MYO16: variants seen among roughly 807,000 people sequenced by gnomAD.
MYO16 encodes the protein myosin XVI, also known as unconventional myosin-XVI.
A neutral mutation model predicts 205.3 loss-of-function variants in MYO16; 94 were observed. The observed-to-expected ratio is 0.46, with a 90% CI of 0.39 to 0.54. MYO16 has a LOEUF of 0.54. Ranked by LOEUF, MYO16 falls within the 20% of genes least tolerant of loss-of-function variation. The pLI is 0.00. For synonymous variants in MYO16, 988 were observed against 954.0 expected (o/e 1.04, Z -0.66); for missense variants, 2,315 against 2,387.5 (o/e 0.97, Z 0.63).
chr13:108,665,346 A>C (rs1881678120), intron 1 of MYO16, among the ~76,000 whole-genome samples: 3 of 152,088 alleles, frequency 2.0e-5, no homozygotes, highest in African/African-American at 7.2e-5. Flanking sequence ...TCCTGGCTTC[A>C]AGTGATCCTC....
chr13:109,026,401 AG>A (rs1886363025), intron 23 of MYO16, among the ~76,000 whole-genome samples: 1 of 152,114 alleles, frequency 6.6e-6, no homozygotes, highest in African/African-American at 2.4e-5. Flanking sequence ...CCAGGAGCCA[AG>A]GAACACCTGG....
chr13:109,011,698 A>ACC (rs1885605993), intron 22 of MYO16, among the ~76,000 whole-genome samples: 1 of 151,848 alleles, frequency 6.6e-6, no homozygotes, highest in Non-Finnish European at 1.5e-5. Context: ...TAGTTTTAGT[A>ACC]GAGACAGGGT....
chr13:108,626,916 T>C (rs1473693684), upstream of MYO16, among the ~76,000 whole-genome samples: 3 of 146,660 alleles, frequency 2.0e-5, no homozygotes, highest in Non-Finnish European at 4.5e-5. Flanking sequence ...ATATATATTA[T>C]ATATAGCTAT....
intron 4 of MYO16, among the ~76,000 whole-genome samples, chr13:108,780,344 T>C (rs1222202876): frequency 7.8e-6 from 1 of 128,504 alleles, no homozygotes; most frequent in Non-Finnish European, 1.6e-5. Flanking sequence ...GTCATAAAAT[T>C]ACTGACGTCT....
intron 7 of MYO16, among the ~76,000 whole-genome samples, chr13:108,811,914 T>C (rs1887306221): frequency 6.6e-6 from 1 of 152,184 alleles, no homozygotes; most frequent in Non-Finnish European, 1.5e-5. Context: ...GTCAACACAG[T>C]ATCCTTTCCA....
At chr13:108,683,598 T>G (rs1324014214) in intron 2 of MYO16, among the ~76,000 whole-genome samples, 1 of 152,244 alleles carries the variant, frequency 6.6e-6, no homozygotes, top group Non-Finnish European at 1.5e-5. Context: ...AAGCCATTTT[T>G]GAATACCCTG....
chr13:108,823,017 T>C (rs75276328), intron 8 of MYO16, 108 bp from the exon 9 acceptor site: 36,761 of 1,068,720 alleles, frequency 0.034, 756 homozygotes, highest in Non-Finnish European at 0.042. Flanking sequence ...GATTCATACA[T>C]TGATAAATTT....
intron 4 of MYO16, among the ~76,000 whole-genome samples, chr13:108,757,005 A>G (rs1885442591): frequency 6.6e-6 from 1 of 152,234 alleles, no homozygotes; most frequent in Non-Finnish European, 1.5e-5. Flanking sequence ...TTAAATCACA[A>G]TGAAGATGTT....
rs1886112960 is a variant in MYO16, at chr13:108,776,008, A to G, written c.508-9627A>G. 2.0e-5 allele frequency among the ~76,000 whole-genome samples: 3 copies of G among 152,268 alleles called. No homozygotes were observed. In the South Asian group the frequency reaches 6.2e-4, roughly 32 times the overall value. On this transcript the variant is annotated intron_variant, in intron 4 of 34. Transcript: ENST00000457511. ...GGCGGGTTTTGCCTATACAACTTCC[A>G]TGAATTGTTATAACCTGAGAAACAG...
At chr13:109,108,920 C>T (rs1594092891) in intron 28 of MYO16, among the ~76,000 whole-genome samples, 1 of 152,144 alleles carries the variant, frequency 6.6e-6, no homozygotes, top group East Asian at 1.9e-4. Flanking sequence ...GGGGACAGAA[C>T]CAGATGAGAA....
At chr13:109,085,239 G>A (rs555737274) in intron 27 of MYO16, among the ~76,000 whole-genome samples, 11 of 152,270 alleles carry the variant, frequency 7.2e-5, no homozygotes, top group East Asian at 3.9e-4. Flanking sequence ...GCAAGACCAC[G>A]CAACAAATTA....
chr13:108,995,660 A>G (rs372557604), intron 21 of MYO16, among the ~76,000 whole-genome samples: 5 of 151,882 alleles, frequency 3.3e-5, no homozygotes, highest in East Asian at 1.9e-4. Context: ...TCATTGTTCA[A>G]TTCCCACCTA....
chr13:109,054,937 T>A (rs1049093526), intron 25 of MYO16, 109 bp from the exon 26 acceptor site: 1 of 589,610 alleles, frequency 1.7e-6, no homozygotes, highest in African/African-American at 2.0e-5. Context: ...TTCTCTTTTT[T>A]CCTTTCTCCC....
At chr13:108,694,592 G>T (rs2139503316) in intron 2 of MYO16, among the ~76,000 whole-genome samples, 1 of 151,990 alleles carries the variant, frequency 6.6e-6, no homozygotes, top group South Asian at 2.1e-4. Flanking sequence ...AGAGTTCTTG[G>T]TATACACATT....
the MYO16 span, among the ~76,000 whole-genome samples, chr13:108,521,534 A>G: frequency 2.6e-5 from 4 of 152,198 alleles, no homozygotes; most frequent in African/African-American, 7.2e-5. Flanking sequence ...TTTGATCTCA[A>G]ACATAATTGC....
the MYO16 span, among the ~76,000 whole-genome samples, chr13:108,572,787 C>A: frequency 6.6e-6 from 1 of 152,056 alleles, no homozygotes; most frequent in Non-Finnish European, 1.5e-5. Context: ...TTTGAAAATA[C>A]CGTTAAATTA....
chr13:108,694,539 G>A (rs1012115165), intron 2 of MYO16, among the ~76,000 whole-genome samples: 1 of 151,970 alleles, frequency 6.6e-6, no homozygotes, highest in Non-Finnish European at 1.5e-5. Context: ...TTAGAGAAAA[G>A]TATTTTGTCT....
the MYO16 span, among the ~76,000 whole-genome samples, chr13:108,557,709 A>G: frequency 6.6e-6 from 1 of 152,152 alleles, no homozygotes; most frequent in African/African-American, 2.4e-5. Flanking sequence ...AGAAAAGAAA[A>G]CTTTTAATTA....
At chr13:108,961,734 T>A (rs1594428672) in intron 18 of MYO16, 78 bp downstream of exon 18, 2 of 1,157,174 alleles carry the variant, frequency 1.7e-6, no homozygotes, top group East Asian at 4.7e-5. Context: ...GGCGACATAG[T>A]ACAGAAAAGC....
Sources: allele counts gnomAD v4.1 joint callset (sites outside exome capture counted in the v4.1 genomes callset), GRCh38; gene constraint gnomAD v4.1.1; transcripts MANE v1.5; gene names NCBI Gene and HGNC (gene_info 2026-07-23, HGNC 2026-07-21).